WDR25: variants seen among roughly 807,000 people sequenced by gnomAD.
WDR25 encodes WD repeat-containing protein 25.
Under a neutral mutation model 47.7 loss-of-function variants are expected in WDR25, and 35 were observed. The observed-to-expected ratio is 0.73, with a 90% CI of 0.56 to 0.97. WDR25 has a LOEUF of 0.97. Ranked by LOEUF, WDR25 falls within the 50% of genes least tolerant of loss-of-function variation. WDR25 has a pLI of 0.00. For synonymous variants in WDR25, 248 were observed against 278.9 expected (o/e 0.89, Z 1.10); for missense variants, 634 against 704.7 (o/e 0.90, Z 1.14).
chr14:100,456,870 A>T lies in WDR25; in HGVS notation c.823-11151A>T, dbSNP rs769411946. ...TAAATTTGATGAAAATCATAAACCC[A>T]TAGATTCAAGAATCTCAGTGAACCC... On this transcript the variant is annotated intron_variant, in intron 2 of 6. Coordinates refer to ENST00000402312, the MANE Select transcript of WDR25 (RefSeq NM_001161476.3). Among the ~76,000 whole-genome samples the T allele has an allele frequency of 3.3e-5, 5 of 152,258 alleles. 1 individual carries two copies. Among genetic ancestry groups the T allele is most frequent in the Middle Eastern group, 6.3e-3 (2 of 316 alleles).
At chr14:100,402,032 T>C (rs1897395328) in intron 2 of WDR25, among the ~76,000 whole-genome samples, 1 of 152,252 alleles carries the variant, frequency 6.6e-6, no homozygotes, top group Admixed American at 6.5e-5. Context: ...AAAACCCAGT[T>C]ATTACTGCTA....
intron 2 of WDR25, among the ~76,000 whole-genome samples, chr14:100,456,035 A>G (rs535938623): frequency 6.6e-6 from 1 of 152,320 alleles, no homozygotes; most frequent in Non-Finnish European, 1.5e-5. Context: ...AACTAGGAAC[A>G]TGTCAACTCA....
At chr14:100,387,260 A>G (rs1251634166) in intron 2 of WDR25, among the ~76,000 whole-genome samples, 10 of 152,094 alleles carry the variant, frequency 6.6e-5, no homozygotes, top group Admixed American at 3.3e-4. Context: ...TGTAGAAAAG[A>G]CAAATCACCC....
chr14:100,391,218 C>T (rs1030431444), intron 2 of WDR25, among the ~76,000 whole-genome samples: 1 of 152,222 alleles, frequency 6.6e-6, no homozygotes, highest in African/African-American at 2.4e-5. Flanking sequence ...CCTCCCCCAC[C>T]CTGAGATCTG....
chr14:100,529,895 G>A lies in WDR25; in HGVS notation c.1489G>A (p.Val497Ile), dbSNP rs1011692191. 6 of 1,613,364 alleles carry A rather than the reference G, an allele frequency of 3.7e-6. No homozygotes were observed. The highest frequency in any genetic ancestry group is 5.1e-6 in the Non-Finnish European group (6 of 1,180,018). ...LLVTGSADGRVLMYSFRTASR... is the reference protein window; with the variant it reads ...LLVTGSADGRILMYSFRTASR... ...GGTGACGGGCAGCGCCGATGGCCGG[G>A]TCCTGATGTACAGCTTCCGCACAGC... Residue 497 changes from valine to isoleucine, a missense_variant, in exon 7 of 7, where the codon GTC becomes ATC. Val to Ile is a conservative substitution (Grantham distance 29). Transcript: ENST00000402312. The surrounding 1 kb of genome is among the most constrained non-coding windows in gnomAD (Gnocchi z 5.1).
intron 2 of WDR25, among the ~76,000 whole-genome samples, chr14:100,408,425 T>A (rs561075954): frequency 1.7e-4 from 26 of 152,106 alleles, no homozygotes; most frequent in African/African-American, 6.3e-4. Context: ...TGTGGAGGGG[T>A]TAGGGTGGAG....
Position 100,523,194 on chromosome 14 carries a change from A to G in WDR25, c.1102-2676A>G, listed in dbSNP as rs2140386889. 6.6e-6 allele frequency among the ~76,000 whole-genome samples: 1 copy of G among 152,342 alleles called. No homozygotes were observed. Among genetic ancestry groups the G allele is most frequent in the East Asian group, 1.9e-4 (1 of 5,192 alleles). ...GCATTTACTCACTTATCCAGCATCAATTTGACACACCTTACTGATGCCTGC... is the reference window on the plus strand; with the variant it reads ...GCATTTACTCACTTATCCAGCATCAGTTTGACACACCTTACTGATGCCTGC... On this transcript the variant is annotated intron_variant, in intron 4 of 6. Coordinates refer to ENST00000402312, the MANE Select transcript of WDR25 (RefSeq NM_001161476.3). The surrounding 1 kb of genome is among the most constrained non-coding windows in gnomAD (Gnocchi z 4.7).
chr14:100,414,852 C>T (rs1439376300), intron 2 of WDR25, among the ~76,000 whole-genome samples: 2 of 150,498 alleles, frequency 1.3e-5, no homozygotes, highest in African/African-American at 4.9e-5. Context: ...TGCAGTGAGC[C>T]GAGATCGCGC....
chr14:100,489,675 C>G (rs1298562794), intron 4 of WDR25, among the ~76,000 whole-genome samples: 2 of 152,206 alleles, frequency 1.3e-5, no homozygotes, highest in Non-Finnish European at 2.9e-5. Context: ...GCAGCCTGGA[C>G]TCTGCCCCAG....
chr14:100,423,861 T>A (rs1223619500), intron 2 of WDR25, among the ~76,000 whole-genome samples: 1 of 152,136 alleles, frequency 6.6e-6, no homozygotes, highest in East Asian at 1.9e-4. Flanking sequence ...AGCATCTACA[T>A]CTTGAGGGGC....
intron 3 of WDR25, among the ~76,000 whole-genome samples, chr14:100,475,426 A>T (rs1899984928): frequency 6.6e-6 from 1 of 152,260 alleles, no homozygotes; most frequent in East Asian, 1.9e-4. Context: ...GTGAATATTC[A>T]CAATGGAATA....
At chr14:100,443,209 C>T (rs1490787819) in intron 2 of WDR25, among the ~76,000 whole-genome samples, 12 of 152,248 alleles carry the variant, frequency 7.9e-5, no homozygotes, top group Admixed American at 6.5e-5. Flanking sequence ...ATATAACAGC[C>T]TCATTAGGTT....
chr14:100,505,701 T>C (rs1190482641), intron 4 of WDR25, among the ~76,000 whole-genome samples: 1 of 152,116 alleles, frequency 6.6e-6, no homozygotes, highest in African/African-American at 2.4e-5. Flanking sequence ...TCCATGAACA[T>C]AGCACATCTC....
At chr14:100,414,073 G>A (rs1028399168) in intron 2 of WDR25, among the ~76,000 whole-genome samples, 2 of 150,668 alleles carry the variant, frequency 1.3e-5, no homozygotes, top group East Asian at 3.9e-4. Context: ...TTGGCTCACT[G>A]CAATCTCTGC....
chr14:100,384,111 C>T (rs1207378799), intron 2 of WDR25, among the ~76,000 whole-genome samples: 1 of 151,694 alleles, frequency 6.6e-6, no homozygotes, highest in Non-Finnish European at 1.5e-5. Context: ...ACCCACTGCA[C>T]TGTGCACCCT....
intron 4 of WDR25, among the ~76,000 whole-genome samples, chr14:100,510,117 C>T (rs543616618): frequency 1.3e-5 from 2 of 151,322 alleles, no homozygotes; most frequent in African/African-American, 4.8e-5. Context: ...TAGAAGTACA[C>T]AAAATAGCTG....
intron 1 of WDR25, among the ~76,000 whole-genome samples, chr14:100,380,332 A>G (rs941474129): frequency 6.6e-6 from 1 of 151,588 alleles, no homozygotes; most frequent in African/African-American, 2.4e-5. Flanking sequence ...ACAGGTGTGA[A>G]CCACTGCACC....
chr14:100,426,201 T>C (rs1898163171), intron 2 of WDR25, among the ~76,000 whole-genome samples: 1 of 152,258 alleles, frequency 6.6e-6, no homozygotes, highest in African/African-American at 2.4e-5. Context: ...AAAGTCAGTG[T>C]AGAGAAGATA....
At position 100,499,975 on chromosome 14, in the gene WDR25, G is replaced by A. The variant is rs939228912; in HGVS notation, c.1101+15851G>A. ...TAGCTCTGTCTGGTGGGGAGACAGA[G>A]CTGTCCCTGAGATGGGGGATGGTAC... On this transcript the variant is annotated intron_variant, in intron 4 of 6. Transcript: ENST00000402312. The surrounding 1 kb of genome is among the most constrained non-coding windows in gnomAD (Gnocchi z 4.4). Among the ~76,000 whole-genome samples, 2 of 152,172 alleles carry A rather than the reference G, an allele frequency of 1.3e-5. No homozygotes were observed. Among genetic ancestry groups the A allele is most frequent in the African/African-American group, 4.8e-5 (2 of 41,438 alleles).
Sources: allele counts gnomAD v4.1 joint callset (sites outside exome capture counted in the v4.1 genomes callset), GRCh38; gene constraint gnomAD v4.1.1; non-coding constraint Gnocchi (gnomAD v3.1); transcripts MANE v1.5; gene names NCBI Gene and HGNC (gene_info 2026-07-23, HGNC 2026-07-21).